GRM4: variants seen among roughly 807,000 people sequenced by gnomAD.
GRM4 encodes metabotropic glutamate receptor 4.
A neutral mutation model predicts 81.7 loss-of-function variants in GRM4; 28 were observed. The observed-to-expected ratio is 0.34, with a 90% CI of 0.25 to 0.47. The LOEUF (loss-of-function observed/expected upper bound fraction) is 0.47. Ranked by LOEUF, GRM4 falls within the 20% of genes least tolerant of loss-of-function variation. The pLI, the probability that GRM4 is intolerant of heterozygous loss-of-function variation, is 1.00. For missense variants in GRM4, 948 were observed against 1,290.0 expected (o/e 0.73, Z 4.06); for synonymous variants, 488 against 528.8 (o/e 0.92, Z 1.06).
chr6:34,082,087 GGAGCC>G (rs1767632589), intron 3 of GRM4, among the ~76,000 whole-genome samples: 4 of 150,328 alleles, frequency 2.7e-5, no homozygotes, highest in Admixed American at 2.6e-4. Context: ...CTGTCCAGTG[GGAGCC>G]TGCGGGACAG....
At chr6:34,087,799 TACACACACACACACAC>T (rs71000022) in intron 3 of GRM4, among the ~76,000 whole-genome samples, 5 of 88,340 alleles carry the variant, frequency 5.7e-5, no homozygotes, top group Non-Finnish European at 8.5e-5. Context: ...CATGCACCCC[TACACACACACACACAC>T]ACACACACAC....
At chr6:34,127,850 G>A (rs1014020131) in intron 2 of GRM4, among the ~76,000 whole-genome samples, 3 of 152,204 alleles carry the variant, frequency 2.0e-5, no homozygotes, top group Admixed American at 1.3e-4. Flanking sequence ...CCTCCTGGCT[G>A]TGTAGTGAAA....
exon 1 of GRM4, chr6:34,155,198 G>C: frequency 6.5e-7 from 1 of 1,535,794 alleles, no homozygotes. Context: ...TCTCCTGGCA[G>C]GGAGGGGCCT....
intron 3 of GRM4, among the ~76,000 whole-genome samples, chr6:34,071,143 C>T (rs1414534852): frequency 6.6e-6 from 1 of 151,932 alleles, no homozygotes; most frequent in Non-Finnish European, 1.5e-5. Flanking sequence ...AATCCCCAAC[C>T]TCACACATAT....
rs1469636455 is a variant in GRM4 at position 34,078,271 on chromosome 6, T to G, written c.736+13612A>C. On this transcript the variant is annotated intron_variant, in intron 3 of 10. Transcript: ENST00000538487. The surrounding 1 kb of genome is among the most constrained non-coding windows in gnomAD (Gnocchi z 4.8). ...TACTCTCTCCTGCCCACCTTCTGCTTCTTCTCTGTCTCCCCCCAAATACAC... is the reference window on the plus strand; with the variant it reads ...TACTCTCTCCTGCCCACCTTCTGCTGCTTCTCTGTCTCCCCCCAAATACAC... Among the ~76,000 whole-genome samples the G allele has an allele frequency of 2.0e-5, 3 of 146,612 alleles. No individual in the cohort carries two copies. The highest frequency in any genetic ancestry group is 3.0e-5 in the Non-Finnish European group (2 of 67,656).
rs773826875 is a variant in GRM4 at position 34,055,976 on chromosome 6, TTG to T, written c.1168+566_1168+567del. 3.3e-5 allele frequency: 5 copies of T among 152,364 alleles called. No individual in the cohort carries two copies. In the East Asian group the frequency reaches 9.6e-4, roughly 29 times the overall value. 9.4% of individuals were successfully genotyped at this position (152,364 alleles called of 1,614,324 possible). A position where few individuals can be genotyped will look rare whatever the true frequency, so the allele number is the denominator to read the frequency against. On this transcript the variant is annotated intron_variant, in intron 6 of 10. Transcript: ENST00000538487. ...CCCCTCACACTTTCCGTTCTTTTTA[TTG>T]TCTGTTTTGTTTCTTCTGCACATTT...
At chr6:34,155,184 C>G (rs1313184597) in exon 1 of GRM4, 3 of 1,535,556 alleles carry the variant, frequency 2.0e-6, no homozygotes, top group African/African-American at 2.7e-5. Flanking sequence ...CCAGGCTCAC[C>G]TGCTCTCCTG....
intron 2 of GRM4, chr6:34,103,912 C>T (rs1768982232): frequency 7.6e-7 from 1 of 1,322,590 alleles, no homozygotes; most frequent in Admixed American, 3.5e-5. Context: ...AGGAATTGGC[C>T]CAGATGTTCA....
At chr6:34,109,084 G>A (rs1362852701) in intron 2 of GRM4, among the ~76,000 whole-genome samples, 1 of 152,202 alleles carries the variant, frequency 6.6e-6, no homozygotes, top group Non-Finnish European at 1.5e-5. Context: ...GCCAGCAGCT[G>A]ACTGAAGCCT....
At position 34,070,491 on chromosome 6, in the gene GRM4, C is replaced by T. The variant is rs964027210; in HGVS notation, c.737-8463G>A. 6.6e-6 allele frequency among the ~76,000 whole-genome samples: 1 copy of T among 152,034 alleles called. No homozygotes were observed. Among genetic ancestry groups the T allele is most frequent in the African/African-American group, 2.4e-5 (1 of 41,370 alleles). On this transcript the variant is annotated intron_variant, in intron 3 of 10. Coordinates refer to ENST00000538487, the MANE Select transcript of GRM4 (RefSeq NM_000841.4). The surrounding 1 kb of genome is among the most constrained non-coding windows in gnomAD (Gnocchi z 4.6). ...GGTGACTCAGTTGATAGTTTAAACT[C>T]CACCCGATAGGGCTAGTGTGAGGGC... is the stretch of plus-strand genomic sequence containing the variant.
At chr6:34,062,321 A>G (rs1345810704) in intron 3 of GRM4, 2 of 326,864 alleles carry the variant, frequency 6.1e-6, no homozygotes, top group Non-Finnish European at 1.1e-5. Flanking sequence ...TAGGAGCTAG[A>G]CTGCCTGGGT....
At chr6:34,030,088 C>T (rs3778044) in intron 9 of GRM4, among the ~76,000 whole-genome samples, 1,704 of 152,350 alleles carry the variant, frequency 0.011, 16 homozygotes, top group East Asian at 0.026. Flanking sequence ...CCGTGCTGGC[C>T]GTCTCTCCTG....
At position 34,075,553 on chromosome 6, in the gene GRM4, G is replaced by A. The variant is rs117792268; in HGVS notation, c.737-13525C>T. 1.0e-3 allele frequency among the ~76,000 whole-genome samples: 155 copies of A among 152,318 alleles called. 1 individual carries two copies. In the East Asian group the frequency reaches 0.015, roughly 15 times the overall value. ...TCGTGCCCGTCTGCTCCTCTCCACT[G>A]GCACTTGCCATCCTCCACTTTGTGC... On this transcript the variant is annotated intron_variant, in intron 3 of 10. Transcript: ENST00000538487.
rs1767513857 is a variant in GRM4, at chr6:34,080,161, T to C, written c.736+11722A>G. Among the ~76,000 whole-genome samples the C allele has an allele frequency of 6.6e-6, 1 of 152,158 alleles. No homozygotes were observed. Among genetic ancestry groups the C allele is most frequent in the Non-Finnish European group, 1.5e-5 (1 of 68,014 alleles). ...CTGCCTGGGGCCCTCTTCCCACAGATCTCCACCTGGCTAATGCCCTCGCTG... is the reference window on the plus strand; with the variant it reads ...CTGCCTGGGGCCCTCTTCCCACAGACCTCCACCTGGCTAATGCCCTCGCTG... On this transcript the variant is annotated intron_variant, in intron 3 of 10. Coordinates refer to ENST00000538487, the MANE Select transcript of GRM4 (RefSeq NM_000841.4). The surrounding 1 kb of genome is among the most constrained non-coding windows in gnomAD (Gnocchi z 5.4).
rs995974529 is a variant in GRM4, at chr6:34,056,688, G to C, written c.1028-4C>G. ...CTGGAGAAGTAGCGGTCGAAGCCTGGCAGGGAACCAGGACGTCAGGGCCTC... is the reference window on the plus strand; with the variant it reads ...CTGGAGAAGTAGCGGTCGAAGCCTGCCAGGGAACCAGGACGTCAGGGCCTC... On this transcript the variant is annotated splice_polypyrimidine_tract_variant and splice_region_variant and intron_variant, in intron 5 of 10. Transcript: ENST00000538487. 9 of 1,612,430 alleles carry C rather than the reference G, an allele frequency of 5.6e-6. No homozygotes were observed. Among genetic ancestry groups the C allele is most frequent in the African/African-American group, 2.7e-5 (2 of 74,886 alleles).
Position 34,032,040 on chromosome 6 carries a change from T to G in GRM4, c.2442+3628A>C, listed in dbSNP as rs543490949. On this transcript the variant is annotated intron_variant, in intron 9 of 10. Coordinates refer to ENST00000538487, the MANE Select transcript of GRM4 (RefSeq NM_000841.4). ...GTACACACATATACATAGACACAAA[T>G]GTACTCACACATCTACACACATCCA... Among the ~76,000 whole-genome samples, 197 of 149,450 alleles carry G rather than the reference T, an allele frequency of 1.3e-3. 2 individuals are homozygous for G. Among genetic ancestry groups the G allele is most frequent in the African/African-American group, 4.6e-3 (188 of 40,530 alleles).
chr6:34,132,968 A>C lies in GRM4; in HGVS notation c.519+10T>G. 6.3e-7 allele frequency: 1 copy of C among 1,579,498 alleles called. No homozygotes were observed. The highest frequency in any genetic ancestry group is 1.2e-5 in the South Asian group (1 of 85,374). The stretch of plus-strand genomic sequence containing the variant: ...GAAGAGCACCTCAGGGGACCAACCA[A>C]GGCACTGACCTTGAAGAGGCGAAGG... On this transcript the variant is annotated intron_variant, in intron 2 of 10. Transcript: ENST00000538487.
intron 2 of GRM4, among the ~76,000 whole-genome samples, chr6:34,093,134 A>G (rs1287570968): frequency 6.6e-6 from 1 of 152,198 alleles, no homozygotes; most frequent in Non-Finnish European, 1.5e-5. Context: ...GCCCCTAAGG[A>G]ATCACTCAGA....
Position 34,078,577 on chromosome 6 carries a change from C to T in GRM4, c.736+13306G>A, listed in dbSNP as rs1472108361. Among the ~76,000 whole-genome samples, 1 of 152,180 alleles carries T rather than the reference C, an allele frequency of 6.6e-6. No homozygotes were observed. Among genetic ancestry groups the T allele is most frequent in the Non-Finnish European group, 1.5e-5 (1 of 68,034 alleles). On this transcript the variant is annotated intron_variant, in intron 3 of 10. Transcript: ENST00000538487. The surrounding 1 kb of genome is among the most constrained non-coding windows in gnomAD (Gnocchi z 4.8). ...TGACCTGACAAGTGGCCTCTGCTCT[C>T]TCAGCCTGTTTCCTACCTGTGAAAT... is the stretch of plus-strand genomic sequence containing the variant.
Sources: allele counts gnomAD v4.1 joint callset (sites outside exome capture counted in the v4.1 genomes callset), GRCh38; gene constraint gnomAD v4.1.1; non-coding constraint Gnocchi (gnomAD v3.1); transcripts MANE v1.5; gene names NCBI Gene and HGNC (gene_info 2026-07-23, HGNC 2026-07-21).